Variants in GPD2 observed in about 807,000 individuals in gnomAD.
GPD2 encodes the protein glycerol-3-phosphate dehydrogenase 2.
GPD2 carries 54 observed loss-of-function variants against 82.4 expected under a neutral mutation model. The ratio of observed to expected loss-of-function variants is 0.66; its 90% CI spans 0.53 to 0.82. GPD2 has a LOEUF of 0.82. Ranked by LOEUF, GPD2 falls within the 40% of genes least tolerant of loss-of-function variation. The pLI is 0.00. For synonymous variants in GPD2, 288 were observed against 306.1 expected (o/e 0.94, Z 0.62); for missense variants, 748 against 896.2 (o/e 0.83, Z 2.11).
At chr2:156,481,702 T>G (rs1198495341) in intron 2 of GPD2, among the ~76,000 whole-genome samples, 2 of 152,064 alleles carry the variant, frequency 1.3e-5, no homozygotes, top group Non-Finnish European at 2.9e-5. Context: ...CAGGCTGGTC[T>G]TGAACTCCTG....
At chr2:156,464,128 G>A (rs1372839629) in intron 1 of GPD2, among the ~76,000 whole-genome samples, 3 of 152,148 alleles carry the variant, frequency 2.0e-5, no homozygotes, top group Non-Finnish European at 4.4e-5. Flanking sequence ...GGAAAATGTA[G>A]TATATTTTCT....
chr2:156,430,866 G>A (rs919670025), upstream of GPD2, among the ~76,000 whole-genome samples: 2 of 152,212 alleles, frequency 1.3e-5, no homozygotes, highest in Admixed American at 6.5e-5. Context: ...GGTGGGAAAA[G>A]GTCAATCCCA....
intron 6 of GPD2, among the ~76,000 whole-genome samples, chr2:156,521,901 A>T (rs1685421089): frequency 6.6e-6 from 1 of 152,070 alleles, no homozygotes; most frequent in African/African-American, 2.4e-5. Flanking sequence ...TTCCTGTTGT[A>T]TTTCTCCTCT....
At chr2:156,467,803 G>A (rs1683199307) in intron 1 of GPD2, among the ~76,000 whole-genome samples, 1 of 152,118 alleles carries the variant, frequency 6.6e-6, no homozygotes, top group Admixed American at 6.5e-5. Flanking sequence ...AGGCTAATGT[G>A]CCTCTTCTGT....
the GPD2 span, among the ~76,000 whole-genome samples, chr2:156,422,558 A>G: frequency 1.3e-5 from 2 of 151,934 alleles, no homozygotes; most frequent in Non-Finnish European, 2.9e-5. Context: ...GTGAAACCTC[A>G]TCTCTACTAA....
chr2:156,527,135 A>G (rs934330895), intron 6 of GPD2, among the ~76,000 whole-genome samples: 80 of 152,138 alleles, frequency 5.3e-4, no homozygotes, highest in African/African-American at 1.9e-3. Flanking sequence ...TTCTTAGTGT[A>G]ATGGAAAGCC....
intron 3 of GPD2, among the ~76,000 whole-genome samples, chr2:156,505,098 T>C: frequency 6.6e-6 from 1 of 152,166 alleles, no homozygotes; most frequent in East Asian, 1.9e-4. Flanking sequence ...TCCTCTTAGA[T>C]TGTAATTATC....
chr2:156,478,503 AAATAAT>A (rs1401366802), intron 2 of GPD2, among the ~76,000 whole-genome samples: 1 of 152,056 alleles, frequency 6.6e-6, no homozygotes, highest in African/African-American at 2.4e-5. Flanking sequence ...GACTGGCAAA[AAATAAT>A]AATAATAATA....
At chr2:156,519,210 T>TG (rs574861625) in intron 6 of GPD2, among the ~76,000 whole-genome samples, 1,801 of 151,522 alleles carry the variant, frequency 0.012, 27 homozygotes, top group African/African-American at 0.039. Context: ...TTAATTTTTT[T>TG]GGGGGGGGGC....
At chr2:156,467,714 T>A (rs1683196245) in intron 1 of GPD2, among the ~76,000 whole-genome samples, 1 of 152,234 alleles carries the variant, frequency 6.6e-6, no homozygotes, top group African/African-American at 2.4e-5. Context: ...GCCTAAATCC[T>A]TTTTAAAAGC....
intron 6 of GPD2, 24 bp downstream of exon 6, chr2:156,513,520 T>C (rs77178033): frequency 5.2e-5 from 79 of 1,525,344 alleles, no homozygotes; most frequent in Middle Eastern, 1.7e-4. Flanking sequence ...TTTTTTTTTT[T>C]CCTCACAAGA....
At chr2:156,416,043 A>T in the GPD2 span, among the ~76,000 whole-genome samples, 1 of 98,638 alleles carries the variant, frequency 1.0e-5, no homozygotes, top group East Asian at 3.3e-4. Context: ...AAACAAAAAC[A>T]AAATAAAATA....
chr2:156,516,934 G>A (rs1319595934), intron 6 of GPD2, among the ~76,000 whole-genome samples: 1 of 152,170 alleles, frequency 6.6e-6, no homozygotes, highest in African/African-American at 2.4e-5. Flanking sequence ...TATCTTCAAC[G>A]CAGAGATGTT....
At chr2:156,437,586 A>G (rs1681990958) in intron 1 of GPD2, among the ~76,000 whole-genome samples, 1 of 152,210 alleles carries the variant, frequency 6.6e-6, no homozygotes, top group Non-Finnish European at 1.5e-5. Flanking sequence ...TGACTTTTAC[A>G]AATCAACTCG....
chr2:156,574,457 G>T (rs935470540), intron 13 of GPD2, among the ~76,000 whole-genome samples: 1 of 152,152 alleles, frequency 6.6e-6, no homozygotes, highest in Admixed American at 6.5e-5. Context: ...CTAGTACTTA[G>T]AACATATTTT....
At chr2:156,549,018 C>T (rs1686653441) in intron 6 of GPD2, among the ~76,000 whole-genome samples, 1 of 151,484 alleles carries the variant, frequency 6.6e-6, no homozygotes, top group Admixed American at 6.6e-5. Context: ...TTAAATTTTG[C>T]CCTGCTTAAT....
chr2:156,538,016 A>T (rs6436494), intron 6 of GPD2, among the ~76,000 whole-genome samples: 106,384 of 151,708 alleles, frequency 0.7, 37,456 homozygotes, highest in Middle Eastern at 0.82. Flanking sequence ...GCATAGTGCT[A>T]GATGTATGTG....
At chr2:156,500,128 G>A (rs533906233) in intron 3 of GPD2, among the ~76,000 whole-genome samples, 106 of 152,092 alleles carry the variant, frequency 7.0e-4, no homozygotes, top group Admixed American at 2.2e-3. Context: ...GTTAACAGTA[G>A]CTAAGAAAAC....
At chr2:156,505,455 A>G (rs1222741309) in intron 3 of GPD2, among the ~76,000 whole-genome samples, 5 of 151,898 alleles carry the variant, frequency 3.3e-5, no homozygotes, top group Admixed American at 6.6e-5. Flanking sequence ...TGATACTACC[A>G]CTCCCACTAA....
Sources: gnomAD v4.1 joint callset for allele counts (sites outside exome capture counted in the v4.1 genomes callset) on GRCh38, gnomAD v4.1.1 for gene constraint, MANE v1.5 for transcripts, NCBI Gene and HGNC (gene_info 2026-07-23, HGNC 2026-07-21) for gene names.